HS6ST3: variants seen among roughly 807,000 people sequenced by gnomAD.
HS6ST3 encodes the protein heparan-sulfate 6-O-sulfotransferase 3.
A neutral mutation model predicts 36.7 loss-of-function variants in HS6ST3; 12 were observed. The observed-to-expected ratio is 0.33, with a 90% CI of 0.21 to 0.53. HS6ST3 has a LOEUF of 0.53. HS6ST3 is among the 20% of genes least tolerant of loss of function. HS6ST3 has a pLI of 0.95. For missense variants in HS6ST3, 584 were observed against 640.9 expected (o/e 0.91, Z 0.96); for synonymous variants, 240 against 257.5 (o/e 0.93, Z 0.65).
intron 1 of HS6ST3, among the ~76,000 whole-genome samples, chr13:96,234,779 A>G (rs781625326): frequency 6.6e-6 from 1 of 152,210 alleles, no homozygotes; most frequent in Non-Finnish European, 1.5e-5. Context: ...CAGCCAAACC[A>G]TATGAAAAGA....
At chr13:96,797,149 T>C (rs979969990) in intron 1 of HS6ST3, among the ~76,000 whole-genome samples, 8 of 152,100 alleles carry the variant, frequency 5.3e-5, no homozygotes, top group Non-Finnish European at 1.0e-4. Context: ...CAACTGGAAG[T>C]CACCCAGTTC....
At chr13:96,474,179 G>A (rs1456339739) in intron 1 of HS6ST3, among the ~76,000 whole-genome samples, 1 of 151,950 alleles carries the variant, frequency 6.6e-6, no homozygotes, top group African/African-American at 2.4e-5. Flanking sequence ...TTTTTCCTCT[G>A]TTGGACACAT....
At chr13:96,305,718 G>A (rs2054908900) in intron 1 of HS6ST3, among the ~76,000 whole-genome samples, 1 of 152,042 alleles carries the variant, frequency 6.6e-6, no homozygotes, top group South Asian at 2.1e-4. Context: ...CAATTTACAT[G>A]TGTCCCACAG....
chr13:96,764,452 G>C (rs751629914), intron 1 of HS6ST3, among the ~76,000 whole-genome samples: 34 of 152,194 alleles, frequency 2.2e-4, no homozygotes, highest in Non-Finnish European at 4.3e-4. Flanking sequence ...TGAGTTAAGC[G>C]TGCTTCTCAA....
At chr13:96,108,515 C>T (rs1199338824) in intron 1 of HS6ST3, among the ~76,000 whole-genome samples, 2 of 152,170 alleles carry the variant, frequency 1.3e-5, no homozygotes, top group African/African-American at 4.8e-5. Context: ...ACACTCCCTC[C>T]CCTTTGAAAA....
intron 1 of HS6ST3, among the ~76,000 whole-genome samples, chr13:96,223,412 G>T (rs1222819781): frequency 6.6e-6 from 1 of 152,202 alleles, no homozygotes; most frequent in Non-Finnish European, 1.5e-5. Flanking sequence ...CCTTTGCAAT[G>T]TGGTTGCCTG....
intron 1 of HS6ST3, among the ~76,000 whole-genome samples, chr13:96,320,268 T>G (rs2097902270): frequency 6.6e-6 from 1 of 152,196 alleles, no homozygotes; most frequent in Non-Finnish European, 1.5e-5. Flanking sequence ...CTTTGGATTC[T>G]GAAATGTTGT....
At chr13:96,268,194 G>A (rs1566306768) in intron 1 of HS6ST3, among the ~76,000 whole-genome samples, 1 of 151,788 alleles carries the variant, frequency 6.6e-6, no homozygotes, top group African/African-American at 2.4e-5. Context: ...ACACAATTTA[G>A]TCCTGTGTTA....
intron 1 of HS6ST3, among the ~76,000 whole-genome samples, chr13:96,646,506 A>C (rs928047210): frequency 1.3e-5 from 2 of 152,054 alleles, no homozygotes; most frequent in African/African-American, 4.8e-5. Flanking sequence ...ATATTTTGTT[A>C]TAAAATATAA....
intron 1 of HS6ST3, among the ~76,000 whole-genome samples, chr13:96,249,301 T>C (rs1040869264): frequency 1.2e-4 from 19 of 152,344 alleles, no homozygotes; most frequent in African/African-American, 4.3e-4. Context: ...TGGTGGACTT[T>C]GCTTAAGATA....
At chr13:96,596,029 T>C (rs1412543661) in intron 1 of HS6ST3, among the ~76,000 whole-genome samples, 1 of 152,188 alleles carries the variant, frequency 6.6e-6, no homozygotes, top group Admixed American at 6.5e-5. Context: ...TTAGGGTTTT[T>C]AGTATACCTG....
intron 1 of HS6ST3, among the ~76,000 whole-genome samples, chr13:96,226,977 A>G (rs1222733890): frequency 1.3e-5 from 2 of 152,204 alleles, no homozygotes; most frequent in Non-Finnish European, 2.9e-5. Context: ...TGCTGCATAA[A>G]TATTTTTATA....
At chr13:96,482,363 A>C (rs1050685173) in intron 1 of HS6ST3, among the ~76,000 whole-genome samples, 3 of 152,158 alleles carry the variant, frequency 2.0e-5, no homozygotes, top group African/African-American at 7.2e-5. Flanking sequence ...TAGCTTTCAA[A>C]TCTGCCTCCT....
intron 1 of HS6ST3, among the ~76,000 whole-genome samples, chr13:96,387,312 G>A (rs2055373304): frequency 6.6e-6 from 1 of 152,156 alleles, no homozygotes; most frequent in African/African-American, 2.4e-5. Context: ...GGAGTGTGGT[G>A]AATGACTCTG....
intron 1 of HS6ST3, among the ~76,000 whole-genome samples, chr13:96,770,795 T>C (rs1027161365): frequency 1.3e-4 from 20 of 152,234 alleles, no homozygotes; most frequent in African/African-American, 4.6e-4. Flanking sequence ...TCTGCTGCTG[T>C]GCAGGTTGCC....
rs956857571 is a variant in HS6ST3, at chr13:96,609,191, C to T, written c.708-223299C>T. ...TTCACTGTGTTAGCCAGGATGGTCT[C>T]GATCTCCTGACCTCATGATCCACCC... is the stretch of plus-strand genomic sequence containing the variant. On this transcript the variant is annotated intron_variant, in intron 1 of 1. Coordinates refer to ENST00000376705, the MANE Select transcript of HS6ST3 (RefSeq NM_153456.4). Among the ~76,000 whole-genome samples, 3 of 151,956 alleles carry T rather than the reference C, an allele frequency of 2.0e-5. No homozygotes were observed. In the East Asian group the frequency reaches 5.8e-4, roughly 29 times the overall value.
intron 1 of HS6ST3, among the ~76,000 whole-genome samples, chr13:96,094,924 AT>A (rs1209968663): frequency 3.3e-5 from 5 of 151,848 alleles, no homozygotes; most frequent in African/African-American, 9.7e-5. Context: ...CACTCTCTTT[AT>A]GCTTCCTTCT....
chr13:96,608,852 A>G (rs1286338663), intron 1 of HS6ST3, among the ~76,000 whole-genome samples: 2 of 152,152 alleles, frequency 1.3e-5, no homozygotes, highest in African/African-American at 4.8e-5. Context: ...ATGTGCGGTA[A>G]AGTTCTATTT....
At chr13:96,093,560 G>GT (rs2053775471) in intron 1 of HS6ST3, among the ~76,000 whole-genome samples, 1 of 35,442 alleles carries the variant, frequency 2.8e-5, no homozygotes, top group African/African-American at 8.4e-5. Context: ...CCCTGTTCTG[G>GT]TTTCCTTTCT....
Sources: allele counts gnomAD v4.1 joint callset (sites outside exome capture counted in the v4.1 genomes callset), GRCh38; gene constraint gnomAD v4.1.1; transcripts MANE v1.5; gene names NCBI Gene and HGNC (gene_info 2026-07-23, HGNC 2026-07-21).